Variants in TTN observed in about 807,000 individuals in gnomAD.
TTN encodes the protein titin.
TTN carries 1,525 observed loss-of-function variants against 3,223.0 expected under a neutral mutation model. The ratio of observed to expected loss-of-function variants is 0.47; its 90% CI spans 0.45 to 0.49. The LOEUF (loss-of-function observed/expected upper bound fraction) is 0.49, where lower values mean the gene tolerates loss of function less well. TTN is among the 20% of genes least tolerant of loss of function. The pLI, the probability that TTN is intolerant of heterozygous loss-of-function variation, is 0.00. For synonymous variants in TTN, 14,094 were observed against 15,161.0 expected, an observed-to-expected ratio of 0.93 and a Z score of 5.17; for missense variants, 40,786 against 43,424.0, an observed-to-expected ratio of 0.94 and a Z score of 5.40.
rs1698314860 is a variant in TTN at position 178,549,059 on chromosome 2, T to C, written c.92567A>G (p.Tyr30856Cys). ...GTCGGCCTTACACATTTCAATAATATACCCAATTATTTCCATGCCACCATC... is the reference window on the plus strand; with the variant it reads ...GTCGGCCTTACACATTTCAATAATACACCCAATTATTTCCATGCCACCATC... The part of the protein sequence containing the change: ...VFDGGMEIIG[Y>C]IIEMCKADLG... Residue 30856 changes from tyrosine to cysteine, a missense_variant, in exon 339 of 363, where the codon TAT (tyrosine) becomes TGT (cysteine). Coordinates refer to ENST00000589042, the MANE Select transcript of TTN (RefSeq NM_001267550.2). 1.2e-6 allele frequency: 2 copies of C among 1,613,758 alleles called. No individual in the cohort carries two copies. The highest frequency in any genetic ancestry group is 1.3e-5 in the African/African-American group (1 of 74,900).
rs2047418624 is a variant in TTN, at chr2:178,580,359, A to ACAGCTG, written c.67014_67019dup (p.Ser22339_Cys22340dup). The stretch of plus-strand genomic sequence containing the variant: ...CAACAATGGTATATTCCTTTTTACC[A>ACAGCTG]CAGCTGTTCTCCAGGGTTAAGATAT... On this transcript the variant is annotated inframe_insertion, in exon 317 of 363. Transcript: ENST00000589042. 2 of 1,613,128 alleles carry ACAGCTG rather than the reference A, an allele frequency of 1.2e-6. No homozygotes were observed.
intron 20 of TTN, among the ~76,000 whole-genome samples, 157 bp from the exon 21 acceptor site, chr2:178,781,420 GA>G (rs1254044817): frequency 2.0e-5 from 3 of 152,074 alleles, no homozygotes; most frequent in Non-Finnish European, 4.4e-5. Context: ...GCTGAAAATT[GA>G]GAAAAATGCA....
chr2:178,778,770 C>T (rs1366016581), intron 24 of TTN, 104 bp downstream of exon 24: 68 of 1,516,910 alleles, frequency 4.5e-5, no homozygotes, highest in Non-Finnish European at 5.9e-5. Flanking sequence ...GTTTCTGTGC[C>T]ATTTTAGCCC....
chr2:178,748,586 A>G lies in TTN; in HGVS notation c.11311+4538T>C, dbSNP rs397517810. 1.2e-6 allele frequency: 2 copies of G among 1,613,064 alleles called. No homozygotes were observed. Among genetic ancestry groups the G allele is most frequent in the Non-Finnish European group, 1.7e-6 (2 of 1,179,388 alleles). On this transcript the variant is annotated intron_variant, in intron 47 of 362. Transcript: ENST00000589042. Reference sequence around the variant, plus strand: ...GTTCTCAGTGTCAGCAGGATGTTGGATTTTAAAATAAGCTTCTTCTGGTTG... The same window carrying G: ...GTTCTCAGTGTCAGCAGGATGTTGGGTTTTAAAATAAGCTTCTTCTGGTTG...
rs747427532 is a variant in TTN, at chr2:178,575,534, G to T, written c.70598C>A (p.Pro23533Gln). 3 of 1,613,520 alleles carry T rather than the reference G, an allele frequency of 1.9e-6. No homozygotes were observed. In the African/African-American group the frequency reaches 4.0e-5, roughly 22 times the overall value. ...TTEPVKASEA[P>Q]SPPDSLNIMD... The stretch of plus-strand genomic sequence containing the variant: ...GATGTTAAGGCTGTCTGGTGGAGAT[G>T]GTGCTTCAGAGGCTTTTACGGGCTC... Residue 23533 changes from proline to glutamine, a missense_variant, in exon 326 of 363, where the codon CCA (proline) becomes CAA (glutamine). Transcript: ENST00000589042. This position sits in a 1 kb window ranked among gnomAD's most constrained non-coding sequence, Gnocchi z 4.0.
chr2:178,723,997 C>T lies in TTN; in HGVS notation c.21262G>A (p.Ala7088Thr). The T allele has an allele frequency of 1.2e-6, 2 of 1,613,570 alleles. No homozygotes were observed. The highest frequency in any genetic ancestry group is 8.5e-7 in the Non-Finnish European group (1 of 1,179,618). The change falls in exon 73 of 363, where the codon GCA becomes ACA. Residue 7088 changes from alanine to threonine, a missense_variant. Ala to Thr is a moderately conservative substitution (Grantham distance 58). Coordinates refer to ENST00000589042, the MANE Select transcript of TTN (RefSeq NM_001267550.2). ...FHEKTKIVSG[A>T]KYQTTFSDNV... ...TCTGAAAATGTGGTTTGGTACTTTG[C>T]TCCACTGACAATCTTGGTTTTCTCA...
chr2:178,744,113 A>C (rs115654110), intron 47 of TTN, among the ~76,000 whole-genome samples: 6 of 151,956 alleles, frequency 3.9e-5, no homozygotes, highest in African/African-American at 1.2e-4. Flanking sequence ...TTGAAAATTA[A>C]ATTTAAATTG....
chr2:178,748,977 T>C (rs2084543110), intron 47 of TTN: 1 of 1,612,590 alleles, frequency 6.2e-7, no homozygotes, highest in East Asian at 2.2e-5. Context: ...GTAGGTCTTT[T>C]TTCTAGAACT....
In TTN at chr2:178,735,680, G is replaced by T. The variant is rs2081320760; in HGVS notation, c.14766C>A (p.Ser4922Arg). The T allele has an allele frequency of 6.2e-7, 1 of 1,613,720 alleles. No individual in the cohort carries two copies. Among genetic ancestry groups the T allele is most frequent in the Non-Finnish European group, 8.5e-7 (1 of 1,179,794 alleles). ...DEDRKVTVTW[S>R]KDGQKLPPGK... ...CTGGGGGGAGTTTTTGCCCATCTTT[G>T]CTCCACGTAACTGTGACTTTTCTGT... The change falls in exon 50 of 363, where the codon AGC (serine) becomes AGA (arginine). Residue 4922 changes from serine (S) to arginine (R), a missense_variant. Transcript: ENST00000589042.
chr2:178,719,833 C>G lies in TTN; in HGVS notation c.23660-1G>C. ...GGCTTCTCTATGATTCTTGCTGGTT[C>G]TAAAAGAAGAAGTATTTTGCATTGA... On this transcript the variant is annotated splice_acceptor_variant, in intron 81 of 362. Coordinates refer to ENST00000589042, the MANE Select transcript of TTN (RefSeq NM_001267550.2). LOFTEE classifies it high-confidence loss of function. 6.3e-7 allele frequency: 1 copy of G among 1,599,462 alleles called. No homozygotes were observed. Among genetic ancestry groups the G allele is most frequent in the Non-Finnish European group, 8.5e-7 (1 of 1,171,960 alleles).
rs1313439492 is a variant in TTN at position 178,629,452 on chromosome 2, G to A, written c.44282-9C>T. On this transcript the variant is annotated splice_polypyrimidine_tract_variant and intron_variant, in intron 239 of 362. Coordinates refer to ENST00000589042, the MANE Select transcript of TTN (RefSeq NM_001267550.2). ...AAGACCAATTACTCGTGCTTTTCGA[G>A]AGGGAAGAAACAGCTTTGCGTTACT... 1.2e-6 allele frequency: 2 copies of A among 1,612,522 alleles called. No homozygotes were observed. Among genetic ancestry groups the A allele is most frequent in the Admixed American group, 1.7e-5 (1 of 59,940 alleles).
rs755164013 is a variant in TTN, at chr2:178,562,153, A to G, written c.83979T>C (p.Thr27993=). The change falls in exon 326 of 363, where the codon ACT becomes ACC. Residue 27993 remains threonine (T), a synonymous_variant. Coordinates refer to ENST00000589042, the MANE Select transcript of TTN (RefSeq NM_001267550.2). The part of the protein sequence containing the change: ...DVPFKGRPQA[T]VNWRKDGQTL... ...TCTGACCATCTTTTCTCCAGTTCAC[A>G]GTAGCTTGAGGTCTTCCTTTGAATG... The G allele has an allele frequency of 5.6e-6, 9 of 1,613,102 alleles. No homozygotes were observed. The highest frequency in any genetic ancestry group is 5.9e-6 in the Non-Finnish European group (7 of 1,179,578).
Position 178,599,030 on chromosome 2 carries a change from T to TA in TTN, c.56679dup (p.Ser18894Ter), listed in dbSNP as rs2052563186. Reference sequence around the variant, plus strand: ...GTCATGGAGTTACGAGTCACGCTGCTAACTGTTGGTTTATCTGGTGCTCCA... The same window carrying TA: ...GTCATGGAGTTACGAGTCACGCTGCTAAACTGTTGGTTTATCTGGTGCTCCA... On this transcript the variant is annotated frameshift_variant, in exon 291 of 363. Transcript: ENST00000589042. LOFTEE classifies it high-confidence loss of function. 6.3e-7 allele frequency: 1 copy of TA among 1,587,864 alleles called. No homozygotes were observed. The highest frequency in any genetic ancestry group is 8.6e-7 in the Non-Finnish European group (1 of 1,166,692).
intron 213 of TTN, 98 bp from the exon 214 acceptor site, chr2:178,647,562 A>C: frequency 8.5e-7 from 1 of 1,169,792 alleles, no homozygotes; most frequent in South Asian, 1.4e-5. Context: ...GCTTCATCTT[A>C]GATTTCATGG....
At chr2:178,745,137 C>T in intron 47 of TTN, 1 of 989,906 alleles carries the variant, frequency 1.0e-6, no homozygotes, top group Middle Eastern at 5.2e-4. Context: ...GTTAAAATTC[C>T]AAAAATAACT....
Position 178,527,314 on chromosome 2 carries a change from G to A in TTN, c.107681-7C>T, listed in dbSNP as rs763921838. The A allele has an allele frequency of 2.5e-6, 4 of 1,582,452 alleles. No homozygotes were observed. Among genetic ancestry groups the A allele is most frequent in the Admixed American group, 1.8e-5 (1 of 54,346 alleles). On this transcript the variant is annotated splice_region_variant and splice_polypyrimidine_tract_variant and intron_variant, in intron 362 of 362. Coordinates refer to ENST00000589042, the MANE Select transcript of TTN (RefSeq NM_001267550.2). Reference sequence around the variant, plus strand: ...TCAATTTTAGGCGGAATTCCTTTATGGAACAATGACAAAAAAAAGGTCTTA... The same window carrying A: ...TCAATTTTAGGCGGAATTCCTTTATAGAACAATGACAAAAAAAAGGTCTTA...
At chr2:178,708,820 C>T (rs2076235858) in intron 99 of TTN, among the ~76,000 whole-genome samples, 1 of 152,032 alleles carries the variant, frequency 6.6e-6, no homozygotes, top group African/African-American at 2.4e-5. Flanking sequence ...GATAACTAAC[C>T]AGATCATAAG....
chr2:178,624,988 C>A (rs1248450397), intron 241 of TTN, among the ~76,000 whole-genome samples: 4 of 151,720 alleles, frequency 2.6e-5, no homozygotes, highest in Admixed American at 2.6e-4. Context: ...GTGATGGATA[C>A]CTAGCTTGAT....
At position 178,554,585 on chromosome 2, in the gene TTN, A is replaced by C. The variant is rs534126040; in HGVS notation, c.88762T>G (p.Leu29588Val). ...GTGGTTGTAATGATGCACTCTTCCA[A>C]ATGTTCAGACACCATAGACCACACA... ...RVVWSMVSEHLEECIITTTKI... is the reference protein window; with the variant it reads ...RVVWSMVSEHVEECIITTTKI... Residue 29588 changes from leucine (L) to valine (V), a missense_variant, in exon 332 of 363, where the codon TTG becomes GTG. Physicochemically the swap from Leu to Val is conservative, Grantham distance 32 (BLOSUM62 1). Coordinates refer to ENST00000589042, the MANE Select transcript of TTN (RefSeq NM_001267550.2). 5.9e-5 allele frequency: 96 copies of C among 1,613,854 alleles called. No individual in the cohort carries two copies. In the South Asian group the frequency reaches 9.7e-4, roughly 16 times the overall value.
Sources: allele counts gnomAD v4.1 joint callset (sites outside exome capture counted in the v4.1 genomes callset), GRCh38; gene constraint gnomAD v4.1.1; non-coding constraint Gnocchi (gnomAD v3.1); transcripts MANE v1.5; gene names NCBI Gene and HGNC (gene_info 2026-07-23, HGNC 2026-07-21).